KIDINS220: variants seen among roughly 807,000 people sequenced by gnomAD.
KIDINS220 encodes the protein kinase D-interacting substrate of 220 kDa.
Under a neutral mutation model 157.6 loss-of-function variants are expected in KIDINS220, and 63 were observed. The observed-to-expected ratio is 0.40, with a 90% CI of 0.33 to 0.49. The LOEUF (loss-of-function observed/expected upper bound fraction) is 0.49. KIDINS220 is among the 20% of genes least tolerant of loss of function. KIDINS220 has a pLI of 0.66. For missense variants in KIDINS220, 1,772 were observed against 2,171.2 expected, an observed-to-expected ratio of 0.82 and a Z score of 3.65; for synonymous variants, 732 against 783.6, an observed-to-expected ratio of 0.93 and a Z score of 1.10.
intron 11 of KIDINS220, among the ~76,000 whole-genome samples, chr2:8,795,578 G>A (rs145991608): frequency 7.6e-4 from 116 of 152,224 alleles, no homozygotes; most frequent in East Asian, 2.7e-3. Context: ...CACTTTACCC[G>A]TCCTCAGTAA....
chr2:8,749,512 A>G (rs1453799144), intron 24 of KIDINS220: 3 of 409,848 alleles, frequency 7.3e-6, no homozygotes, highest in African/African-American at 2.1e-5. Flanking sequence ...ACTGATAATT[A>G]GTTGCATTTC....
At position 8,785,798 on chromosome 2, in the gene KIDINS220, T is replaced by C. The variant is rs752810917; in HGVS notation, c.2172A>G (p.Lys724=). 6.2e-6 allele frequency: 10 copies of C among 1,613,990 alleles called. No homozygotes were observed. Among genetic ancestry groups the C allele is most frequent in the Non-Finnish European group, 8.5e-6 (10 of 1,179,978 alleles). ...VLDSLLNSQR[K]RLHNAASKLH... ...GTTTGGAGGCTGCATTATGGAGGCG[T>C]TTTCTTTGGGAATTCAGGAGCGAGT... The change falls in exon 17 of 30, where the codon AAA becomes AAG. Residue 724 remains lysine, a synonymous_variant. Coordinates refer to ENST00000256707, the MANE Select transcript of KIDINS220 (RefSeq NM_020738.4).
Position 8,779,159 on chromosome 2 carries a change from C to T in KIDINS220, c.2371-20G>A, listed in dbSNP as rs770656871. 3.7e-6 allele frequency: 6 copies of T among 1,607,668 alleles called. No individual in the cohort carries two copies. The highest frequency in any genetic ancestry group is 4.5e-5 in the East Asian group (2 of 44,850). ...TCGGACCTGTGGCAGAAGAAATGTA[C>T]AGTTGTGACATACATTTTAAATTGT... On this transcript the variant is annotated intron_variant, in intron 18 of 29. Coordinates refer to ENST00000256707, the MANE Select transcript of KIDINS220 (RefSeq NM_020738.4).
intron 7 of KIDINS220, among the ~76,000 whole-genome samples, chr2:8,805,276 A>C (rs1675284915): frequency 6.6e-6 from 1 of 152,058 alleles, no homozygotes; most frequent in African/African-American, 2.4e-5. Context: ...TTCATTATGA[A>C]GGCATGATTT....
chr2:8,796,792 A>G lies in KIDINS220; in HGVS notation c.1077T>C (p.Ala359=). Residue 359 remains alanine (A), a synonymous_variant, in exon 11 of 30, where the codon GCT becomes GCC. Coordinates refer to ENST00000256707, the MANE Select transcript of KIDINS220 (RefSeq NM_020738.4). ...EVVELLLDKG[A]KVSAVDKKGD... ...TTACCTTATCTACAGCAGACACTTT[A>G]GCACCTTTATCTAGCAGCAGCTCCA... 1 of 1,614,110 alleles carries G rather than the reference A, an allele frequency of 6.2e-7. No homozygotes were observed. The highest frequency in any genetic ancestry group is 8.5e-7 in the Non-Finnish European group (1 of 1,179,944).
In KIDINS220 at chr2:8,730,944, T is replaced by C. The variant is rs373610139; in HGVS notation, c.5092A>G (p.Asn1698Asp). 2.3e-4 allele frequency: 368 copies of C among 1,614,086 alleles called. No individual in the cohort carries two copies. Among genetic ancestry groups the C allele is most frequent in the Non-Finnish European group, 2.8e-4 (326 of 1,180,050 alleles). Reference sequence around the variant, plus strand: ...CTAATTCCCTCCATCTCATCGAAATTTTGATTGGCTCTGTTGGCTGGAGCA... The same window carrying C: ...CTAATTCCCTCCATCTCATCGAAATCTTGATTGGCTCTGTTGGCTGGAGCA... Reference protein sequence around the residue: ...NSAPANRANQNFDEMEGIRET... With the variant: ...NSAPANRANQDFDEMEGIRET... Residue 1698 changes from asparagine to aspartate, a missense_variant, in exon 30 of 30, where the codon AAT (asparagine) becomes GAT (aspartate). By Grantham distance (23) the Asn-to-Asp change is conservative (BLOSUM62 1). This residue lies in a region of KIDINS220 where 793 missense variants were observed against 885.5 expected (regional missense o/e 0.90). Coordinates refer to ENST00000256707, the MANE Select transcript of KIDINS220 (RefSeq NM_020738.4).
rs1676452594 is a variant in KIDINS220 at position 8,812,422 on chromosome 2, A to G, written c.477T>C (p.Asn159=). 2.5e-6 allele frequency: 4 copies of G among 1,599,340 alleles called. No individual in the cohort carries two copies. The highest frequency in any genetic ancestry group is 3.4e-6 in the Non-Finnish European group (4 of 1,172,668). ...HADIVHLLLQ[N]GAKVNCSDKY... ...TATCAGAGCAGTTGACTTTAGCACCATTTTGCAGTAAAAGATGAACTATAT... is the reference window on the plus strand; with the variant it reads ...TATCAGAGCAGTTGACTTTAGCACCGTTTTGCAGTAAAAGATGAACTATAT... Residue 159 remains asparagine, a synonymous_variant, in exon 6 of 30, where the codon AAT becomes AAC. Transcript: ENST00000256707.
downstream of KIDINS220, chr2:8,722,876 T>C (rs4668590): frequency 0.99 from 151,308 of 152,376 alleles, 75,134 homozygotes; most frequent in Middle Eastern, 1. Flanking sequence ...AACTGCTCCA[T>C]GCTGGAAATT....
At chr2:8,779,358 G>T (rs930829560) in intron 18 of KIDINS220, among the ~76,000 whole-genome samples, 1 of 152,092 alleles carries the variant, frequency 6.6e-6, no homozygotes, top group African/African-American at 2.4e-5. Context: ...AATTAATATT[G>T]TCCTTCTTTC....
rs1287131633 is a variant in KIDINS220 at position 8,729,708 on chromosome 2, T to C, written c.*1012A>G. ...CTGACTTAGGAACAGATGAAGTAGA[T>C]AAAGTCTATCCTAGTATAGAGAGCA... On this transcript the variant is annotated 3_prime_UTR_variant, in exon 30 of 30. Coordinates refer to ENST00000256707, the MANE Select transcript of KIDINS220 (RefSeq NM_020738.4). 1.0e-5 allele frequency: 10 copies of C among 984,728 alleles called. No individual in the cohort carries two copies. Among genetic ancestry groups the C allele is most frequent in the Non-Finnish European group, 1.2e-5 (10 of 829,392 alleles). 61.0% of individuals were successfully genotyped at this position (984,728 alleles called of 1,614,324 possible).
At chr2:8,834,293 G>A (rs186905118) in intron 1 of KIDINS220, among the ~76,000 whole-genome samples, 2 of 151,938 alleles carry the variant, frequency 1.3e-5, no homozygotes, top group East Asian at 3.9e-4. Flanking sequence ...CAGGGCCAAG[G>A]CCTTGCTTGA....
intron 24 of KIDINS220, among the ~76,000 whole-genome samples, chr2:8,749,873 C>A (rs1055639832): frequency 3.3e-5 from 5 of 151,972 alleles, no homozygotes; most frequent in African/African-American, 4.8e-5. Flanking sequence ...ATTTACTTAT[C>A]AAGAAACTAA....
chr2:8,818,544 T>C (rs1479793343), intron 3 of KIDINS220, 151 bp downstream of exon 3: 1 of 545,016 alleles, frequency 1.8e-6, no homozygotes, highest in Non-Finnish European at 3.3e-6. Flanking sequence ...TCTCCTGTAT[T>C]ACTCCTTTTA....
downstream of KIDINS220, chr2:8,721,722 A>C (rs1309613385): frequency 6.6e-6 from 1 of 152,266 alleles, no homozygotes; most frequent in Non-Finnish European, 1.5e-5. Flanking sequence ...AGTGGGCGGC[A>C]CCTGGAGCCA....
chr2:8,805,304 T>C (rs1675290987), intron 7 of KIDINS220, among the ~76,000 whole-genome samples: 1 of 152,126 alleles, frequency 6.6e-6, no homozygotes, highest in Admixed American at 6.5e-5. Context: ...CATTGGTCAA[T>C]GATGATCAAT....
chr2:8,758,266 T>C (rs968098619), intron 22 of KIDINS220, among the ~76,000 whole-genome samples: 1 of 152,344 alleles, frequency 6.6e-6, no homozygotes, highest in Middle Eastern at 3.4e-3. Flanking sequence ...TGGTTTTTCC[T>C]GTCTATGTAA....
intron 1 of KIDINS220, among the ~76,000 whole-genome samples, chr2:8,830,132 C>A (rs1247051984): frequency 6.6e-6 from 1 of 152,150 alleles, no homozygotes; most frequent in African/African-American, 2.4e-5. Flanking sequence ...GTGAGATCAC[C>A]CAACCCCACA....
rs553250938 is a variant in KIDINS220, at chr2:8,798,326, A to G, written c.901-26T>C. 9 of 1,244,384 alleles carry G rather than the reference A, an allele frequency of 7.2e-6. No homozygotes were observed. The African/African-American group carries it at 1.3e-4, about 18-fold the overall frequency. The allele number at this position is 1,244,384 out of a possible 1,614,324, so 77.1% of individuals were successfully genotyped here. On this transcript the variant is annotated intron_variant, in intron 9 of 29. Coordinates refer to ENST00000256707, the MANE Select transcript of KIDINS220 (RefSeq NM_020738.4). ...CTAGATAATTAAAAAAAACACAATC[A>G]CTTCATGTAAGATACAATATTTAAA...
chr2:8,785,089 G>A (rs755284794), intron 17 of KIDINS220, among the ~76,000 whole-genome samples: 2 of 152,214 alleles, frequency 1.3e-5, no homozygotes, highest in African/African-American at 4.8e-5. Context: ...AAATGAGCTA[G>A]CAGGTCATGA....
Sources: allele counts gnomAD v4.1 joint callset (sites outside exome capture counted in the v4.1 genomes callset), GRCh38; gene constraint gnomAD v4.1.1; regional missense constraint gnomAD v4.1.1; transcripts MANE v1.5; gene names NCBI Gene and HGNC (gene_info 2026-07-23, HGNC 2026-07-21).